The following DCC variants were observed in gnomAD, a reference collection of about 807,000 sequenced individuals.
The protein encoded by DCC is netrin receptor DCC.
A neutral mutation model predicts 172.5 loss-of-function variants in DCC; 58 were observed. The ratio of observed to expected loss-of-function variants is 0.34; its 90% CI spans 0.27 to 0.42. The LOEUF (loss-of-function observed/expected upper bound fraction) is 0.42. DCC is among the 10% of genes least tolerant of loss of function. The pLI is 1.00. For missense variants in DCC, 1,740 were observed against 1,791.0 expected, an observed-to-expected ratio of 0.97 and a Z score of 0.51; for synonymous variants, 709 against 644.5, an observed-to-expected ratio of 1.10 and a Z score of -1.52.
intron 12 of DCC, among the ~76,000 whole-genome samples, chr18:53,223,332 A>G (rs1467889367): frequency 1.3e-5 from 2 of 152,182 alleles, no homozygotes; most frequent in African/African-American, 4.8e-5. Flanking sequence ...AAGAGATTAA[A>G]ATATATGATA....
chr18:53,047,805 G>A (rs772131954), intron 5 of DCC, among the ~76,000 whole-genome samples: 15 of 151,306 alleles, frequency 9.9e-5, no homozygotes, highest in Admixed American at 2.0e-4. Flanking sequence ...ACCTCTCTAC[G>A]CCTTATTTTT....
At chr18:52,368,593 A>G (rs1194205384) in intron 1 of DCC, among the ~76,000 whole-genome samples, 1 of 152,156 alleles carries the variant, frequency 6.6e-6, no homozygotes, top group Non-Finnish European at 1.5e-5. Context: ...TGAGACTTAC[A>G]AGTGGTCCCT....
chr18:52,790,164 A>G (rs1401625402), intron 2 of DCC, among the ~76,000 whole-genome samples: 1 of 152,172 alleles, frequency 6.6e-6, no homozygotes, highest in East Asian at 1.9e-4. Flanking sequence ...GGTTACAGGT[A>G]TTGCTCCCAA....
rs1787739 is a variant in DCC, at chr18:52,442,830, C to T, written c.91+101952C>T. ...TGCAGAGCTCCGCCATTACCTTGCT[C>T]TACATCGGGTCAGAAAGCCAATGTC... On this transcript the variant is annotated intron_variant, in intron 1 of 28. Transcript: ENST00000442544. Among the ~76,000 whole-genome samples, 4 of 152,254 alleles carry T rather than the reference C, an allele frequency of 2.6e-5. No homozygotes were observed. The South Asian group carries it at 6.2e-4, about 24-fold the overall frequency.
intron 1 of DCC, among the ~76,000 whole-genome samples, chr18:52,449,153 A>G (rs552652321): frequency 2.5e-4 from 38 of 152,310 alleles, no homozygotes; most frequent in African/African-American, 9.1e-4. Flanking sequence ...TTATAAAACC[A>G]TCAGATCTTG....
intron 16 of DCC, among the ~76,000 whole-genome samples, chr18:53,386,587 G>C (rs1011461513): frequency 1.3e-5 from 2 of 152,148 alleles, no homozygotes; most frequent in African/African-American, 4.8e-5. Flanking sequence ...ACAAGGAAGA[G>C]CTGGCCTTCT....
At chr18:52,500,367 A>C (rs1408100828) in intron 1 of DCC, among the ~76,000 whole-genome samples, 1 of 152,148 alleles carries the variant, frequency 6.6e-6, no homozygotes. Context: ...TGAAAGAGTG[A>C]TCTCTTAGGG....
intron 1 of DCC, among the ~76,000 whole-genome samples, chr18:52,705,259 C>T (rs2036186639): frequency 6.6e-6 from 1 of 152,086 alleles, no homozygotes; most frequent in Admixed American, 6.5e-5. Context: ...CTAAAAATTC[C>T]TGGTTTTCAG....
intron 1 of DCC, among the ~76,000 whole-genome samples, chr18:52,562,045 TAC>T (rs1395479467): frequency 1.3e-5 from 2 of 152,158 alleles, no homozygotes; most frequent in African/African-American, 4.8e-5. Context: ...CATAGCAAAG[TAC>T]AGACTCTCAG....
At chr18:53,206,250 T>C (rs12959446) in intron 10 of DCC, among the ~76,000 whole-genome samples, 38,172 of 127,556 alleles carry the variant, frequency 0.3, 7,099 homozygotes, top group Non-Finnish European at 0.42. Context: ...ACATAATACA[T>C]ATATACCACA....
chr18:52,676,423 A>G (rs1006717138), intron 1 of DCC, among the ~76,000 whole-genome samples: 2 of 152,198 alleles, frequency 1.3e-5, no homozygotes, highest in Non-Finnish European at 2.9e-5. Flanking sequence ...AATTATTTAT[A>G]TCATAATCTG....
chr18:53,169,485 G>T (rs941334307), intron 8 of DCC, among the ~76,000 whole-genome samples: 22 of 152,132 alleles, frequency 1.4e-4, no homozygotes, highest in Non-Finnish European at 2.2e-4. Context: ...GGCACAAGTG[G>T]CTTGATTCCT....
chr18:53,078,132 A>G (rs1252416589), intron 7 of DCC, among the ~76,000 whole-genome samples: 4 of 152,164 alleles, frequency 2.6e-5, no homozygotes, highest in Middle Eastern at 3.2e-3. Flanking sequence ...AGAAATATAT[A>G]AGGAATCACA....
intron 1 of DCC, among the ~76,000 whole-genome samples, chr18:52,643,404 A>G (rs1796230405): frequency 6.6e-6 from 1 of 152,228 alleles, no homozygotes; most frequent in Non-Finnish European, 1.5e-5. Context: ...TGAAGAAATT[A>G]GGGAATATTT....
At chr18:52,825,164 T>G (rs890469461) in intron 2 of DCC, among the ~76,000 whole-genome samples, 3 of 152,214 alleles carry the variant, frequency 2.0e-5, no homozygotes, top group African/African-American at 7.2e-5. Flanking sequence ...AATTCATTAT[T>G]GTAATGATAT....
At chr18:53,127,471 C>A (rs760143126) in intron 7 of DCC, among the ~76,000 whole-genome samples, 21 of 152,032 alleles carry the variant, frequency 1.4e-4, no homozygotes, top group Non-Finnish European at 2.8e-4. Context: ...TGCAGGGTCC[C>A]TAGAAATCCA....
intron 1 of DCC, among the ~76,000 whole-genome samples, chr18:52,698,753 C>A (rs1164791891): frequency 7.1e-6 from 1 of 140,850 alleles, no homozygotes. Context: ...CTCCCGCCAC[C>A]ACGCCTGGCT....
At chr18:52,707,033 C>T (rs892415611) in intron 1 of DCC, among the ~76,000 whole-genome samples, 2 of 152,108 alleles carry the variant, frequency 1.3e-5, no homozygotes, top group Non-Finnish European at 1.5e-5. Context: ...TCCCATGAAC[C>T]ACATGTGCAA....
chr18:52,953,953 G>A (rs769542150), intron 5 of DCC, among the ~76,000 whole-genome samples: 4 of 152,220 alleles, frequency 2.6e-5, no homozygotes, highest in Non-Finnish European at 5.9e-5. Flanking sequence ...CCATGGTGAT[G>A]TTAGCAACAA....
Sources: gnomAD v4.1 joint callset for allele counts (sites outside exome capture counted in the v4.1 genomes callset) on GRCh38, gnomAD v4.1.1 for gene constraint, MANE v1.5 for transcripts, NCBI Gene and HGNC (gene_info 2026-07-23, HGNC 2026-07-21) for gene names.